The following ZBTB8A variants were observed in gnomAD, a reference collection of about 807,000 sequenced individuals.
ZBTB8A encodes the protein zinc finger and BTB domain containing 8A.
Under a neutral mutation model 37.8 loss-of-function variants are expected in ZBTB8A, and 19 were observed. That is an observed-to-expected ratio of 0.50 (90% CI 0.35 to 0.74). The LOEUF (loss-of-function observed/expected upper bound fraction) is 0.74. Ranked by LOEUF, ZBTB8A falls within the 30% of genes least tolerant of loss-of-function variation. The pLI is 0.01. For synonymous variants in ZBTB8A, 181 were observed against 185.2 expected (o/e 0.98, Z 0.19); for missense variants, 394 against 537.8 (o/e 0.73, Z 2.65).
rs541394709 is a variant in ZBTB8A at position 32,603,784 on chromosome 1, G to A, written c.*3365G>A. ...ATGCTTTCTCATAATTGTTTATAAC[G>A]AGCATCAAACTATCCCCACAAAATG... On this transcript the variant is annotated 3_prime_UTR_variant, in exon 5 of 5. Coordinates refer to ENST00000373510, the MANE Select transcript of ZBTB8A (RefSeq NM_001040441.3). 9 of 152,564 alleles carry A rather than the reference G, an allele frequency of 5.9e-5. No individual in the cohort carries two copies. Among genetic ancestry groups the A allele is most frequent in the Middle Eastern group, 3.2e-3 (1 of 316 alleles). The allele number at this position is 152,564 out of a possible 1,614,324, so 9.5% of individuals were successfully genotyped here.
At chr1:32,539,874 CGGCGCCGGGCGTGTCTGGAGCCGTCG>C (rs1644037699) in intron 1 of ZBTB8A, among the ~76,000 whole-genome samples, 1 of 144,000 alleles carries the variant, frequency 6.9e-6, no homozygotes, top group African/African-American at 2.5e-5. Context: ...GCGGCGGGGA[CGGCGCCGGGCGTGTCTGGAGCCGTCG>C]GGCGCCGCGG....
At chr1:32,552,927 A>G (rs1321867999) in intron 1 of ZBTB8A, among the ~76,000 whole-genome samples, 1 of 148,270 alleles carries the variant, frequency 6.7e-6, no homozygotes, top group East Asian at 1.9e-4. Flanking sequence ...TATATTACAT[A>G]TTTGTTCTAT....
chr1:32,569,814 G>A lies in ZBTB8A; in HGVS notation c.-2+16274G>A, dbSNP rs185536426. On this transcript the variant is annotated intron_variant, in intron 2 of 4. Transcript: ENST00000373510. ...TTTTGTCTGTAAAAAATAGAGATAG[G>A]GTTTTGCTATGTTCCCCAGGCTACT... Among the ~76,000 whole-genome samples the A allele has an allele frequency of 3.3e-5, 5 of 150,828 alleles. No individual in the cohort carries two copies. In the East Asian group the frequency reaches 9.7e-4, roughly 29 times the overall value.
chr1:32,587,010 C>T (rs1486357418), intron 2 of ZBTB8A, among the ~76,000 whole-genome samples: 2 of 151,970 alleles, frequency 1.3e-5, no homozygotes, highest in South Asian at 2.1e-4. Flanking sequence ...TTTGGGAGGC[C>T]GAGGCGGGCG....
intron 2 of ZBTB8A, among the ~76,000 whole-genome samples, chr1:32,590,419 C>A (rs566830652): frequency 1.0e-3 from 153 of 152,136 alleles, no homozygotes; most frequent in Non-Finnish European, 1.3e-3. Flanking sequence ...AATTTTTAGT[C>A]CCTTTTCACT....
intron 2 of ZBTB8A, among the ~76,000 whole-genome samples, chr1:32,567,281 G>C (rs1644287028): frequency 6.6e-6 from 1 of 152,074 alleles, no homozygotes; most frequent in South Asian, 2.1e-4. Flanking sequence ...AGAACAGCAA[G>C]AGGGAAATCC....
chr1:32,580,236 A>C (rs1311849757), intron 2 of ZBTB8A, among the ~76,000 whole-genome samples: 1 of 152,158 alleles, frequency 6.6e-6, no homozygotes, highest in African/African-American at 2.4e-5. Context: ...ATCTCAAAAA[A>C]ACAAAAACAA....
intron 3 of ZBTB8A, among the ~76,000 whole-genome samples, chr1:32,594,581 T>C (rs1316973794): frequency 6.6e-6 from 1 of 152,042 alleles, no homozygotes; most frequent in African/African-American, 2.4e-5. Context: ...ACCAACATGG[T>C]GAAACCATGT....
At chr1:32,557,516 G>A (rs748694487) in intron 2 of ZBTB8A, among the ~76,000 whole-genome samples, 2 of 152,082 alleles carry the variant, frequency 1.3e-5, no homozygotes, top group Non-Finnish European at 1.5e-5. Context: ...GGGCTAAAGG[G>A]CAGTGGCATA....
intron 2 of ZBTB8A, among the ~76,000 whole-genome samples, chr1:32,576,505 T>G (rs1289388531): frequency 6.6e-6 from 1 of 152,096 alleles, no homozygotes; most frequent in Admixed American, 6.6e-5. Context: ...CTTGGCTCAC[T>G]GTAACCTCCA....
intron 2 of ZBTB8A, among the ~76,000 whole-genome samples, chr1:32,555,807 A>C (rs1201402692): frequency 6.6e-6 from 1 of 152,200 alleles, no homozygotes; most frequent in Non-Finnish European, 1.5e-5. Context: ...TCTGAAATCC[A>C]ACATACATAA....
At chr1:32,586,973 G>T (rs868811513) in intron 2 of ZBTB8A, among the ~76,000 whole-genome samples, 1 of 152,126 alleles carries the variant, frequency 6.6e-6, no homozygotes, top group Admixed American at 6.5e-5. Context: ...GGTCAGGTGC[G>T]GTGGCTCACG....
intron 2 of ZBTB8A, among the ~76,000 whole-genome samples, chr1:32,555,855 CTCTGGACTCTGGACT>C (rs1414306102): frequency 1.3e-5 from 2 of 151,964 alleles, no homozygotes; most frequent in African/African-American, 4.8e-5. Flanking sequence ...CCAGTTATTT[CTCTGGACTCTGGACT>C]TCCCAATTTC....
chr1:32,593,155 C>T lies in ZBTB8A; in HGVS notation c.224C>T (p.Thr75Ile), dbSNP rs375892867. ...ACATTTCAGGCTTTCTCCCCTGACA[C>T]TTTTACAGTTATCTTGGACTTCGTA... ...TATFQAFSPD[T>I]FTVILDFVYS... Residue 75 changes from threonine to isoleucine, a missense_variant, in exon 3 of 5, where the codon ACT becomes ATT. This residue lies in a region of ZBTB8A where 96 missense variants were observed against 165.6 expected (regional missense o/e 0.58). Coordinates refer to ENST00000373510, the MANE Select transcript of ZBTB8A (RefSeq NM_001040441.3). 16 of 1,614,080 alleles carry T rather than the reference C, an allele frequency of 9.9e-6. No homozygotes were observed. Among genetic ancestry groups the T allele is most frequent in the Admixed American group, 1.7e-5 (1 of 59,988 alleles).
chr1:32,549,127 G>T (rs1644130426), intron 1 of ZBTB8A, among the ~76,000 whole-genome samples: 1 of 152,112 alleles, frequency 6.6e-6, no homozygotes, highest in Admixed American at 6.6e-5. Flanking sequence ...GGCAGAGGTT[G>T]CCATGAGCCG....
rs1325508508 is a variant in ZBTB8A, at chr1:32,603,457, A to G, written c.*3038A>G. 6.6e-6 allele frequency: 1 copy of G among 152,260 alleles called. No individual in the cohort carries two copies. Among genetic ancestry groups the G allele is most frequent in the Non-Finnish European group, 1.5e-5 (1 of 68,036 alleles). The allele number at this position is 152,260 out of a possible 1,614,324, so 9.4% of individuals were successfully genotyped here. A position where few individuals can be genotyped will look rare whatever the true frequency, so the allele number is the denominator to read the frequency against. On this transcript the variant is annotated 3_prime_UTR_variant, in exon 5 of 5. Transcript: ENST00000373510. ...TCAGGATTCTTAACAATTAAAGTGTATCTGAATGAGGAAGGAAACGCTTGT... is the reference window on the plus strand; with the variant it reads ...TCAGGATTCTTAACAATTAAAGTGTGTCTGAATGAGGAAGGAAACGCTTGT...
intron 1 of ZBTB8A, among the ~76,000 whole-genome samples, chr1:32,546,285 A>C (rs1229320709): frequency 6.6e-6 from 1 of 152,022 alleles, no homozygotes; most frequent in African/African-American, 2.4e-5. Context: ...CTCTGTTAAA[A>C]ATATAATAAT....
chr1:32,595,271 T>A, intron 4 of ZBTB8A, 48 bp downstream of exon 4: 1 of 1,595,050 alleles, frequency 6.3e-7, no homozygotes, highest in East Asian at 2.2e-5. Context: ...TTTTGGTTTT[T>A]GTTTTTGTTT....
chr1:32,591,534 T>C (rs1644488259), intron 2 of ZBTB8A, among the ~76,000 whole-genome samples: 1 of 152,080 alleles, frequency 6.6e-6, no homozygotes, highest in Non-Finnish European at 1.5e-5. Flanking sequence ...CTTTGTTTAA[T>C]GTCTGATAAC....
Sources: gnomAD v4.1 joint callset for allele counts (sites outside exome capture counted in the v4.1 genomes callset) on GRCh38, gnomAD v4.1.1 for gene constraint, gnomAD v4.1.1 regional missense constraint, MANE v1.5 for transcripts, NCBI Gene and HGNC (gene_info 2026-07-23, HGNC 2026-07-21) for gene names.